The following PEX26 variants were observed in gnomAD, a reference collection of about 807,000 sequenced individuals.
The protein encoded by PEX26 is peroxisomal biogenesis factor 26.
In PEX26, 18 loss-of-function variants were observed where a neutral mutation model predicts 31.4. That is an observed-to-expected ratio of 0.57 (90% confidence interval 0.40 to 0.85). PEX26 has a LOEUF of 0.85. Among genes scored for constraint, PEX26 ranks in the 40% least tolerant of loss-of-function variants. The pLI, the probability that PEX26 is intolerant of heterozygous loss-of-function variation, is 0.00. For synonymous variants in PEX26, 176 were observed against 166.9 expected, an observed-to-expected ratio of 1.05 and a Z score of -0.42; for missense variants, 377 against 383.9, an observed-to-expected ratio of 0.98 and a Z score of 0.15.
rs548749648 is a variant in PEX26, at chr22:18,098,362, C to T, written c.*10287C>T. On this transcript the variant is annotated 3_prime_UTR_variant, in exon 5 of 5. Transcript: ENST00000399744. ...ATTTTTCTCACCTCCAAGATGGGGACAAAAATTATCTTCCTTGGCTGGGTG... is the reference window on the plus strand; with the variant it reads ...ATTTTTCTCACCTCCAAGATGGGGATAAAAATTATCTTCCTTGGCTGGGTG... 1 of 152,082 alleles carries T rather than the reference C, an allele frequency of 6.6e-6. No individual in the cohort carries two copies. Among genetic ancestry groups the T allele is most frequent in the African/African-American group, 2.4e-5 (1 of 41,496 alleles). 9.4% of individuals were successfully genotyped at this position (152,082 alleles called of 1,614,324 possible).
rs1053328975 is a variant in PEX26, at chr22:18,096,612, G to T, written c.*8537G>T. 8 of 151,992 alleles carry T rather than the reference G, an allele frequency of 5.3e-5. No homozygotes were observed. Among genetic ancestry groups the T allele is most frequent in the African/African-American group, 1.9e-4 (8 of 41,368 alleles). 9.4% of individuals were successfully genotyped at this position (151,992 alleles called of 1,614,324 possible). ...TTTTTGTATTTTTAGTAGAGATGGG[G>T]TTTCACCGTGTTAGCCAGGATGGTC... On this transcript the variant is annotated 3_prime_UTR_variant, in exon 5 of 5. Transcript: ENST00000399744.
In PEX26 at chr22:18,095,703, C is replaced by G. The variant is rs914644962; in HGVS notation, c.*7628C>G. 1 of 36,620 alleles carries G rather than the reference C, an allele frequency of 2.7e-5. No homozygotes were observed. The highest frequency in any genetic ancestry group is 1.4e-4 in the African/African-American group (1 of 7,208). The allele number at this position is 36,620 out of a possible 1,614,324, so 2.3% of individuals were successfully genotyped here. A position where few individuals can be genotyped will look rare whatever the true frequency, so the allele number is the denominator to read the frequency against. ...TCCCAGGAAACATATTTTGCAAAAG[C>G]CTTTTTTTTTTTTTTTTTGAGAAAC... is the stretch of plus-strand genomic sequence containing the variant. On this transcript the variant is annotated 3_prime_UTR_variant, in exon 5 of 5. Coordinates refer to ENST00000399744, the MANE Select transcript of PEX26 (RefSeq NM_001127649.3).
chr22:18,091,144 A>G lies in PEX26; in HGVS notation c.*3069A>G, dbSNP rs1927081931. On this transcript the variant is annotated 3_prime_UTR_variant, in exon 5 of 5. Coordinates refer to ENST00000399744, the MANE Select transcript of PEX26 (RefSeq NM_001127649.3). Reference sequence around the variant, plus strand: ...CAGCCTCTGGAGTAGCTGGGCCTACAGTGTGTGCTGCCACACCCAGCTAAT... The same window carrying G: ...CAGCCTCTGGAGTAGCTGGGCCTACGGTGTGTGCTGCCACACCCAGCTAAT... 1 of 152,382 alleles carries G rather than the reference A, an allele frequency of 6.6e-6. No individual in the cohort carries two copies. The highest frequency in any genetic ancestry group is 2.1e-4 in the South Asian group (1 of 4,828). 9.4% of individuals were successfully genotyped at this position (152,382 alleles called of 1,614,324 possible).
rs1927341659 is a variant in PEX26 at position 18,097,843 on chromosome 22, T to C, written c.*9768T>C. On this transcript the variant is annotated 3_prime_UTR_variant, in exon 5 of 5. Transcript: ENST00000399744. ...GGCATAAGCCACCACACCCAGATGATTTTTTTATTTTTCAAAGAAGTGGCA... is the reference window on the plus strand; with the variant it reads ...GGCATAAGCCACCACACCCAGATGACTTTTTTATTTTTCAAAGAAGTGGCA... The C allele has an allele frequency of 6.6e-6, 1 of 152,152 alleles. No individual in the cohort carries two copies. The highest frequency in any genetic ancestry group is 2.1e-4 in the South Asian group (1 of 4,818). 9.4% of individuals were successfully genotyped at this position (152,152 alleles called of 1,614,324 possible).
Position 18,078,357 on chromosome 22 carries a change from GC to G in PEX26, c.-18del. On this transcript the variant is annotated 5_prime_UTR_variant, in exon 1 of 5. Coordinates refer to ENST00000399744, the MANE Select transcript of PEX26 (RefSeq NM_001127649.3). The stretch of plus-strand genomic sequence containing the variant: ...GTCACTCCGACGTCTGAGGACCTGG[GC>G]CTTGGACCCGGACTCGTTATGAAGA... The G allele has an allele frequency of 6.4e-7, 1 of 1,566,836 alleles. No homozygotes were observed. Among genetic ancestry groups the G allele is most frequent in the Non-Finnish European group, 8.7e-7 (1 of 1,145,990 alleles).
rs1220516596 is a variant in PEX26, at chr22:18,088,319, C to T, written c.*244C>T. 2 of 633,836 alleles carry T rather than the reference C, an allele frequency of 3.2e-6. No homozygotes were observed. The highest frequency in any genetic ancestry group is 5.8e-6 in the Non-Finnish European group (2 of 342,860). 39.3% of individuals were successfully genotyped at this position (633,836 alleles called of 1,614,324 possible). ...CCTCCAGAACAGTGCCCCGGATGACCAGAGGCCCCTTGAAAAGGAGGGGTT... is the reference window on the plus strand; with the variant it reads ...CCTCCAGAACAGTGCCCCGGATGACTAGAGGCCCCTTGAAAAGGAGGGGTT... On this transcript the variant is annotated 3_prime_UTR_variant, in exon 5 of 5. Transcript: ENST00000399744. This position sits in a 1 kb window ranked among gnomAD's most constrained non-coding sequence, Gnocchi z 4.1.
chr22:18,102,440 T>G lies in PEX26; in HGVS notation c.*14365T>G, dbSNP rs1256911344. ...GTGACATCCAGGATGATCCTCTTCC[T>G]TGCCTGGAGGTGGGATCTAGTGCCA... On this transcript the variant is annotated 3_prime_UTR_variant, in exon 5 of 5. Coordinates refer to ENST00000399744, the MANE Select transcript of PEX26 (RefSeq NM_001127649.3). 6.5e-6 allele frequency: 1 copy of G among 154,608 alleles called. No homozygotes were observed. Among genetic ancestry groups the G allele is most frequent in the African/African-American group, 2.4e-5 (1 of 41,482 alleles). 9.6% of individuals were successfully genotyped at this position (154,608 alleles called of 1,614,324 possible). A position where few individuals can be genotyped will look rare whatever the true frequency, so the allele number is the denominator to read the frequency against.
rs1927024794 is a variant in PEX26 at position 18,090,019 on chromosome 22, A to G, written c.*1944A>G. The stretch of plus-strand genomic sequence containing the variant: ...GCCCGGCCAACTTTTCTTTAGAAAA[A>G]TGAGTAAAGTAGGTAAACTTCACAG... On this transcript the variant is annotated 3_prime_UTR_variant, in exon 5 of 5. Transcript: ENST00000399744. The G allele has an allele frequency of 6.6e-6, 1 of 152,156 alleles. No homozygotes were observed. Among genetic ancestry groups the G allele is most frequent in the African/African-American group, 2.4e-5 (1 of 41,424 alleles). The allele number at this position is 152,156 out of a possible 1,614,324, so 9.4% of individuals were successfully genotyped here.
rs1322982166 is a variant in PEX26 at position 18,092,828 on chromosome 22, G to GT, written c.*4753_*4754insT. ...GGGACCCCATTTCTTTTTTTTGGGG[G>GT]GGGGGTGGGTTATAAAAGCCCTTTT... On this transcript the variant is annotated 3_prime_UTR_variant, in exon 5 of 5. Transcript: ENST00000399744. 2 of 103,830 alleles carry GT rather than the reference G, an allele frequency of 1.9e-5. No homozygotes were observed. The highest frequency in any genetic ancestry group is 4.2e-4 in the South Asian group (1 of 2,372). The allele number at this position is 103,830 out of a possible 1,614,324, so 6.4% of individuals were successfully genotyped here. A position where few individuals can be genotyped will look rare whatever the true frequency, so the allele number is the denominator to read the frequency against.
rs1927115506 is a variant in PEX26 at position 18,091,965 on chromosome 22, C to G, written c.*3890C>G. The stretch of plus-strand genomic sequence containing the variant: ...CTGGACGTTCAGTTTCTTTCTACAT[C>G]TAGAAGGTGGCCTCTGCTATCCACT... On this transcript the variant is annotated 3_prime_UTR_variant, in exon 5 of 5. Coordinates refer to ENST00000399744, the MANE Select transcript of PEX26 (RefSeq NM_001127649.3). 6.6e-6 allele frequency: 1 copy of G among 152,220 alleles called. No homozygotes were observed. Among genetic ancestry groups the G allele is most frequent in the African/African-American group, 2.4e-5 (1 of 41,448 alleles). 9.4% of individuals were successfully genotyped at this position (152,220 alleles called of 1,614,324 possible).
In PEX26 at chr22:18,094,684, G is replaced by T. The variant is rs1344350915; in HGVS notation, c.*6609G>T. The T allele has an allele frequency of 2.6e-5, 4 of 151,978 alleles. No homozygotes were observed. Among genetic ancestry groups the T allele is most frequent in the Admixed American group, 2.6e-4 (4 of 15,266 alleles). The allele number at this position is 151,978 out of a possible 1,614,324, so 9.4% of individuals were successfully genotyped here. On this transcript the variant is annotated 3_prime_UTR_variant, in exon 5 of 5. Coordinates refer to ENST00000399744, the MANE Select transcript of PEX26 (RefSeq NM_001127649.3). ...GCGGTAGAGGGCCATCCCTTCTTTG[G>T]CTTCTTGCCTTGTCTCTGACCCCAC...
Position 18,083,492 on chromosome 22 carries a change from G to T in PEX26, c.427G>T (p.Ala143Ser). The T allele has an allele frequency of 6.2e-7, 1 of 1,614,138 alleles. No homozygotes were observed. Among genetic ancestry groups the T allele is most frequent in the Non-Finnish European group, 8.5e-7 (1 of 1,180,002 alleles). Residue 143 changes from alanine to serine, a missense_variant, in exon 3 of 5, where the codon GCC becomes TCC. Transcript: ENST00000399744. The part of the protein sequence containing the change: ...EPGAVLDVVG[A>S]WLQDPANQNL... ...TGGAGCTGTGCTGGATGTGGTGGGT[G>T]CCTGGCTCCAAGACCCAGCCAATCA...
intron 2 of PEX26, among the ~76,000 whole-genome samples, chr22:18,081,272 AC>A (rs1926590850): frequency 6.6e-6 from 1 of 151,512 alleles, no homozygotes; most frequent in African/African-American, 2.4e-5. Context: ...ACACACACAC[AC>A]ACACACATTA....
In PEX26 at chr22:18,088,200, G is replaced by C. The variant is rs1260335444; in HGVS notation, c.*125G>C. On this transcript the variant is annotated 3_prime_UTR_variant, in exon 5 of 5. Transcript: ENST00000399744. This position sits in a 1 kb window ranked among gnomAD's most constrained non-coding sequence, Gnocchi z 4.1. Reference sequence around the variant, plus strand: ...CCAGCCTAATCTCGCGGAGTGCACTGTGTCTTGCTGCCTGGGTGCCCTCTC... The same window carrying C: ...CCAGCCTAATCTCGCGGAGTGCACTCTGTCTTGCTGCCTGGGTGCCCTCTC... 1.3e-6 allele frequency: 1 copy of C among 772,866 alleles called. No homozygotes were observed. The highest frequency in any genetic ancestry group is 2.3e-6 in the Non-Finnish European group (1 of 429,990). 47.9% of individuals were successfully genotyped at this position (772,866 alleles called of 1,614,324 possible). A position where few individuals can be genotyped will look rare whatever the true frequency, so the allele number is the denominator to read the frequency against.
Position 18,099,412 on chromosome 22 carries a change from G to A in PEX26, c.*11337G>A, listed in dbSNP as rs1036106713. On this transcript the variant is annotated 3_prime_UTR_variant, in exon 5 of 5. Transcript: ENST00000399744. ...ACAGTCCATACTACTTATGGTATAC[G>A]TGAAATGCTTTCTATTCATTCAAGC... The A allele has an allele frequency of 3.3e-5, 5 of 152,098 alleles. No homozygotes were observed. The highest frequency in any genetic ancestry group is 1.2e-4 in the African/African-American group (5 of 41,408). The allele number at this position is 152,098 out of a possible 1,614,324, so 9.4% of individuals were successfully genotyped here.
At position 18,078,126 on chromosome 22, in the gene PEX26, A is replaced by G. The variant is rs193262333; in HGVS notation, c.-251A>G. ...TCGCGGGGCCGGAGAAGCTAGGGCC[A>G]GGTATTCCAGGGATGCAAGAATCCT... On this transcript the variant is annotated 5_prime_UTR_variant, in exon 1 of 5. Transcript: ENST00000399744. 7.7e-4 allele frequency: 510 copies of G among 658,326 alleles called. 2 individuals carry two copies. The highest frequency in any genetic ancestry group is 3.5e-3 in the South Asian group (233 of 66,388). 40.8% of individuals were successfully genotyped at this position (658,326 alleles called of 1,614,324 possible).
chr22:18,078,706 T>C, intron 1 of PEX26, 100 bp downstream of exon 1: 1 of 1,056,646 alleles, frequency 9.5e-7, no homozygotes. Context: ...CACAAGGAGC[T>C]TTACACCTCG....
chr22:18,098,204 C>CT lies in PEX26; in HGVS notation c.*10130dup, dbSNP rs1434996468. On this transcript the variant is annotated 3_prime_UTR_variant, in exon 5 of 5. Coordinates refer to ENST00000399744, the MANE Select transcript of PEX26 (RefSeq NM_001127649.3). ...CCAGCCTGGGCAACAGAGCGAGACT[C>CT]TGTCTCACACATACACACACAAAAA... 2 of 152,176 alleles carry CT rather than the reference C, an allele frequency of 1.3e-5. No individual in the cohort carries two copies. The highest frequency in any genetic ancestry group is 2.9e-5 in the Non-Finnish European group (2 of 68,060). The allele number at this position is 152,176 out of a possible 1,614,324, so 9.4% of individuals were successfully genotyped here.
Position 18,091,674 on chromosome 22 carries a change from C to T in PEX26, c.*3599C>T, listed in dbSNP as rs576617042. On this transcript the variant is annotated 3_prime_UTR_variant, in exon 5 of 5. Transcript: ENST00000399744. ...ACAAAACACAAAAACCTTTCTCAGT[C>T]CCAGCATATGTGGAGCAGCCTCATT... is the stretch of plus-strand genomic sequence containing the variant. 1 of 152,346 alleles carries T rather than the reference C, an allele frequency of 6.6e-6. No individual in the cohort carries two copies. Among genetic ancestry groups the T allele is most frequent in the South Asian group, 2.1e-4 (1 of 4,828 alleles). 9.4% of individuals were successfully genotyped at this position (152,346 alleles called of 1,614,324 possible).
Sources: gnomAD v4.1 joint callset for allele counts (sites outside exome capture counted in the v4.1 genomes callset) on GRCh38, gnomAD v4.1.1 for gene constraint, Gnocchi (gnomAD v3.1) non-coding constraint, MANE v1.5 for transcripts, NCBI Gene and HGNC (gene_info 2026-07-23, HGNC 2026-07-21) for gene names.